Variants in ACOT12 observed in about 807,000 individuals in gnomAD.
ACOT12 encodes acyl-CoA thioesterase 12.
In ACOT12, 51 loss-of-function variants were observed where a neutral mutation model predicts 67.7. The observed-to-expected ratio is 0.75, with a 90% CI of 0.60 to 0.95. ACOT12 has a LOEUF of 0.95. Ranked by LOEUF, ACOT12 falls within the 40% of genes least tolerant of loss-of-function variation. The probability of loss-of-function intolerance (pLI) is 0.00; values close to 1 mark genes in which losing one functional copy is unlikely to be tolerated. For synonymous variants in ACOT12, 251 were observed against 244.6 expected (o/e 1.03, Z -0.24); for missense variants, 734 against 708.1 (o/e 1.04, Z -0.41).
the ACOT12 span, among the ~76,000 whole-genome samples, chr5:81,310,811 G>T: frequency 2.0e-5 from 3 of 152,174 alleles, no homozygotes; most frequent in African/African-American, 7.2e-5. Context: ...GCCATTGACT[G>T]TTTGAGAATC....
Position 81,335,893 on chromosome 5 carries a change from T to C in ACOT12, c.1137A>G (p.Ile379Met), listed in dbSNP as rs1361829112. 1 of 1,594,854 alleles carries C rather than the reference T, an allele frequency of 6.3e-7. No individual in the cohort carries two copies. Among genetic ancestry groups the C allele is most frequent in the Non-Finnish European group, 8.5e-7 (1 of 1,175,266 alleles). Reference sequence around the variant, plus strand: ...AAACATCATGCTCTTCCAGAGTATATATTTTTATCTAAAAGACAACAAAAA... The same window carrying C: ...AAACATCATGCTCTTCCAGAGTATACATTTTTATCTAAAAGACAACAAAAA... Reference protein sequence around the residue: ...EVTSTVEKIKIYTLEEHDVLS... With the variant: ...EVTSTVEKIKMYTLEEHDVLS... The change falls in exon 12 of 15, where the codon ATA (isoleucine) becomes ATG (methionine). Residue 379 changes from isoleucine (I) to methionine (M), a missense_variant. Coordinates refer to ENST00000307624, the MANE Select transcript of ACOT12 (RefSeq NM_130767.3).
rs917016498 is a variant in ACOT12 at position 81,339,245 on chromosome 5, G to A, written c.1129-3344C>T. ...CCTGGAGGTATCTGGAGATGACCAC[G>A]GGGGCCAAGCGGGTGGGGGTCGGAA... On this transcript the variant is annotated intron_variant, in intron 11 of 14. Transcript: ENST00000307624. Among the ~76,000 whole-genome samples the A allele has an allele frequency of 5.3e-5, 8 of 152,326 alleles. No homozygotes were observed. The South Asian group carries it at 8.3e-4, about 16-fold the overall frequency.
intron 2 of ACOT12, among the ~76,000 whole-genome samples, chr5:81,374,927 A>G (rs1205261189): frequency 1.3e-5 from 2 of 152,236 alleles, no homozygotes; most frequent in Non-Finnish European, 2.9e-5. Context: ...TCAGGATATT[A>G]TCCAGGAGAA....
the ACOT12 span, among the ~76,000 whole-genome samples, chr5:81,322,762 G>A: frequency 2.0e-5 from 3 of 152,152 alleles, no homozygotes; most frequent in African/African-American, 4.8e-5. Context: ...CATGGTGGAA[G>A]GCAAAGCAGA....
chr5:81,361,309 C>A (rs905465330), intron 4 of ACOT12, among the ~76,000 whole-genome samples: 2 of 151,354 alleles, frequency 1.3e-5, no homozygotes, highest in Non-Finnish European at 2.9e-5. Context: ...AACTCTTGGG[C>A]TCAAGGGATC....
At chr5:81,388,299 G>GA (rs1199022441) in intron 1 of ACOT12, among the ~76,000 whole-genome samples, 1 of 151,790 alleles carries the variant, frequency 6.6e-6, no homozygotes, top group African/African-American at 2.4e-5. Context: ...AAACTAAAAG[G>GA]AAAAAAAATA....
intron 14 of ACOT12, 27 bp downstream of exon 14, chr5:81,330,787 A>G: frequency 1.2e-6 from 2 of 1,606,370 alleles, no homozygotes; most frequent in East Asian, 4.5e-5. Flanking sequence ...AGAGCCAATT[A>G]ATCTGCAGAT....
At chr5:81,354,876 G>A (rs553847342) in intron 5 of ACOT12, among the ~76,000 whole-genome samples, 2 of 152,054 alleles carry the variant, frequency 1.3e-5, no homozygotes, top group East Asian at 1.9e-4. Flanking sequence ...GCTAATTTTT[G>A]TATTTTTAGT....
At chr5:81,377,771 A>G (rs1760463724) in intron 2 of ACOT12, among the ~76,000 whole-genome samples, 1 of 152,202 alleles carries the variant, frequency 6.6e-6, no homozygotes, top group Non-Finnish European at 1.5e-5. Context: ...TAGGAATCCA[A>G]CTTACAAGGG....
Position 81,335,809 on chromosome 5 carries a change from CAA to C in ACOT12, c.1219_1220del (p.Leu407ValfsTer2). On this transcript the variant is annotated frameshift_variant, in exon 12 of 15. Coordinates refer to ENST00000307624, the MANE Select transcript of ACOT12 (RefSeq NM_130767.3). LOFTEE classifies it high-confidence loss of function. ...GSPAHLAYRL[L>X]SDFTKRPLWD... ...ACAAAGGTCGCTTTGTAAAGTCAGA[CAA>C]GAGACGATAAGCCAAATGTGCTGGA... 6.2e-7 allele frequency: 1 copy of C among 1,613,748 alleles called. No individual in the cohort carries two copies. Among genetic ancestry groups the C allele is most frequent in the Non-Finnish European group, 8.5e-7 (1 of 1,179,932 alleles).
At chr5:81,363,056 G>A (rs1284008492) in intron 4 of ACOT12, among the ~76,000 whole-genome samples, 1 of 152,108 alleles carries the variant, frequency 6.6e-6, no homozygotes. Context: ...GCTAGGAGAA[G>A]CCACTGTGTC....
intron 11 of ACOT12, among the ~76,000 whole-genome samples, chr5:81,340,790 AAAC>A (rs1759171278): frequency 2.6e-5 from 4 of 152,262 alleles, no homozygotes; most frequent in African/African-American, 9.6e-5. Flanking sequence ...AAGAGGAGGA[AAAC>A]TCTTCAAAAA....
chr5:81,358,007 CAAAAAAAAAA>C (rs777333534), intron 5 of ACOT12, among the ~76,000 whole-genome samples: 41 of 71,058 alleles, frequency 5.8e-4, no homozygotes, highest in African/African-American at 1.5e-3. Context: ...CCCCATCTCA[CAAAAAAAAAA>C]AAAAAAAAAA....
chr5:81,334,119 C>T (rs920922899), intron 12 of ACOT12, among the ~76,000 whole-genome samples: 13 of 152,196 alleles, frequency 8.5e-5, no homozygotes, highest in African/African-American at 3.1e-4. Context: ...CATCCTCCTT[C>T]TGGCTCCCCA....
chr5:81,344,710 CA>C (rs1299359573), intron 8 of ACOT12, among the ~76,000 whole-genome samples, 180 bp downstream of exon 8: 1 of 151,862 alleles, frequency 6.6e-6, no homozygotes, highest in Non-Finnish European at 1.5e-5. Flanking sequence ...ATCATTTGAA[CA>C]AATGATCAGA....
intron 3 of ACOT12, among the ~76,000 whole-genome samples, chr5:81,365,248 T>A (rs1760044484): frequency 6.6e-6 from 1 of 152,174 alleles, no homozygotes; most frequent in African/African-American, 2.4e-5. Context: ...ATAAAGAATA[T>A]CCGTATCTGT....
At chr5:81,334,396 G>C (rs1004023044) in intron 12 of ACOT12, among the ~76,000 whole-genome samples, 3 of 152,182 alleles carry the variant, frequency 2.0e-5, no homozygotes, top group Non-Finnish European at 2.9e-5. Context: ...CGTGGGGTCA[G>C]AGCTCAAAAA....
At chr5:81,331,478 A>G (rs1441453221) in intron 13 of ACOT12, among the ~76,000 whole-genome samples, 1 of 152,244 alleles carries the variant, frequency 6.6e-6, no homozygotes, top group Non-Finnish European at 1.5e-5. Context: ...CAGAAGTTGC[A>G]GTGAGCTGAG....
chr5:81,320,041 G>A, the ACOT12 span, among the ~76,000 whole-genome samples: 3 of 152,142 alleles, frequency 2.0e-5, no homozygotes, highest in South Asian at 2.1e-4. Flanking sequence ...AAGATAGAGA[G>A]AAATGGACAT....
Sources: allele counts gnomAD v4.1 joint callset (sites outside exome capture counted in the v4.1 genomes callset), GRCh38; gene constraint gnomAD v4.1.1; transcripts MANE v1.5; gene names NCBI Gene and HGNC (gene_info 2026-07-23, HGNC 2026-07-21).